SPDYA: variants seen among roughly 807,000 people sequenced by gnomAD.
SPDYA encodes speedy/RINGO cell cycle regulator family member A, also known as speedy protein A.
Under a neutral mutation model 36.7 loss-of-function variants are expected in SPDYA, and 11 were observed. The ratio of observed to expected loss-of-function variants is 0.30; its 90% CI spans 0.19 to 0.50. SPDYA has a LOEUF of 0.50. Among genes scored for constraint, SPDYA ranks in the 20% least tolerant of loss-of-function variants. SPDYA has a pLI of 0.98. For synonymous variants in SPDYA, 115 were observed against 118.7 expected, an observed-to-expected ratio of 0.97 and a Z score of 0.20; for missense variants, 287 against 370.9, an observed-to-expected ratio of 0.77 and a Z score of 1.86.
At chr2:28,834,549 T>C (rs1668547239) in intron 6 of SPDYA, among the ~76,000 whole-genome samples, 1 of 152,186 alleles carries the variant, frequency 6.6e-6, no homozygotes, top group African/African-American at 2.4e-5. Context: ...TTAAAAGGAA[T>C]GAAGTACCTG....
intron 1 of SPDYA, among the ~76,000 whole-genome samples, chr2:28,813,262 C>G (rs891319993): frequency 6.6e-6 from 1 of 152,152 alleles, no homozygotes; most frequent in Non-Finnish European, 1.5e-5. Flanking sequence ...AGTGTAAAGA[C>G]GCCTACTGTG....
At chr2:28,818,952 C>T (rs1668063491) in intron 3 of SPDYA, 96 bp from the exon 4 acceptor site, 1 of 961,544 alleles carries the variant, frequency 1.0e-6, no homozygotes, top group African/African-American at 1.6e-5. Context: ...TGTTTTATTT[C>T]TAAGCACCAT....
chr2:28,822,123 A>G (rs896840827), intron 4 of SPDYA, among the ~76,000 whole-genome samples: 3 of 152,180 alleles, frequency 2.0e-5, no homozygotes, highest in Non-Finnish European at 4.4e-5. Flanking sequence ...GTTTATAATG[A>G]TATAATAAAT....
chr2:28,836,470 T>C (rs777142719), intron 6 of SPDYA, among the ~76,000 whole-genome samples: 57 of 152,206 alleles, frequency 3.7e-4, no homozygotes, highest in Non-Finnish European at 6.2e-4. Context: ...CTTTGAATTA[T>C]ACACCACTGA....
intron 6 of SPDYA, among the ~76,000 whole-genome samples, chr2:28,839,121 T>C (rs1042452753): frequency 2.6e-5 from 4 of 152,226 alleles, no homozygotes; most frequent in African/African-American, 9.6e-5. Context: ...AGAATAATCC[T>C]GTGAAGTAGA....
At chr2:28,828,231 C>T (rs1053409955) in intron 5 of SPDYA, among the ~76,000 whole-genome samples, 3 of 152,134 alleles carry the variant, frequency 2.0e-5, no homozygotes, top group African/African-American at 7.2e-5. Context: ...AAGCAATCCG[C>T]CCACCTTGGC....
chr2:28,847,975 C>T (rs958540545), intron 7 of SPDYA, among the ~76,000 whole-genome samples: 6 of 152,090 alleles, frequency 3.9e-5, no homozygotes, highest in African/African-American at 1.4e-4. Context: ...GTAGGCTATA[C>T]CATATAACCT....
intron 2 of SPDYA, among the ~76,000 whole-genome samples, chr2:28,814,922 C>G (rs939330937): frequency 2.6e-5 from 4 of 152,080 alleles, no homozygotes; most frequent in Non-Finnish European, 5.9e-5. Flanking sequence ...TAGATTATGA[C>G]AACATACATT....
Position 28,816,257 on chromosome 2 carries a change from T to G in SPDYA, c.235+8T>G, listed in dbSNP as rs776776052. 2 of 1,561,104 alleles carry G rather than the reference T, an allele frequency of 1.3e-6. No homozygotes were observed. The highest frequency in any genetic ancestry group is 8.7e-7 in the Non-Finnish European group (1 of 1,146,668). On this transcript the variant is annotated splice_region_variant and intron_variant, in intron 3 of 7. Coordinates refer to ENST00000334056, the MANE Select transcript of SPDYA (RefSeq NM_182756.4). ...CTTTCTTTAAATTATTTGGTAGGTT[T>G]AAAATATTGTAATAGTGGTAATTAT...
At chr2:28,836,286 C>T (rs748230211) in intron 6 of SPDYA, among the ~76,000 whole-genome samples, 3 of 152,100 alleles carry the variant, frequency 2.0e-5, no homozygotes, top group Non-Finnish European at 4.4e-5. Flanking sequence ...ATCTAGCCTC[C>T]ATATAAACCT....
intron 7 of SPDYA, among the ~76,000 whole-genome samples, chr2:28,843,378 T>G (rs1221012548): frequency 6.6e-6 from 1 of 151,932 alleles, no homozygotes; most frequent in Non-Finnish European, 1.5e-5. Context: ...GGTAAAACCC[T>G]GTCTCTATTA....
chr2:28,845,818 T>C (rs1032791665), intron 7 of SPDYA, among the ~76,000 whole-genome samples: 1 of 152,154 alleles, frequency 6.6e-6, no homozygotes, highest in Non-Finnish European at 1.5e-5. Flanking sequence ...GTGCTGGGAT[T>C]ACAGGCGTGA....
intron 5 of SPDYA, among the ~76,000 whole-genome samples, chr2:28,827,705 G>T (rs189108825): frequency 3.3e-5 from 5 of 152,162 alleles, no homozygotes; most frequent in African/African-American, 9.6e-5. Context: ...CAATTTGATT[G>T]TGGTGTTCAC....
intron 3 of SPDYA, among the ~76,000 whole-genome samples, chr2:28,816,591 A>G (rs1667988087): frequency 6.6e-6 from 1 of 152,204 alleles, no homozygotes; most frequent in Admixed American, 6.5e-5. Context: ...AGGTGAGCTA[A>G]CTGACCCAGT....
At chr2:28,843,131 T>C (rs1185692512) in intron 7 of SPDYA, among the ~76,000 whole-genome samples, 1 of 152,234 alleles carries the variant, frequency 6.6e-6, no homozygotes, top group Non-Finnish European at 1.5e-5. Context: ...TTTTCCTACC[T>C]TAAAATTTTT....
At chr2:28,830,200 CTT>C (rs573724918) in intron 6 of SPDYA, among the ~76,000 whole-genome samples, 32,513 of 106,530 alleles carry the variant, frequency 0.31, 2,402 homozygotes, top group Middle Eastern at 0.39. Flanking sequence ...ATAGTAAGTA[CTT>C]TTTTTTTTTT....
In SPDYA at chr2:28,840,181, A is replaced by G. The variant is rs773429021; in HGVS notation, c.562A>G (p.Ile188Val). ...SRRCCEEVMA[I>V]APTHYIWQRE... ...TAGCTTTCTATTATAGGTTATGGCC[A>G]TTGCACCAACCCATTATATCTGGCA... is the stretch of plus-strand genomic sequence containing the variant. Residue 188 changes from isoleucine to valine, a missense_variant, in exon 7 of 8, where the codon ATT becomes GTT. By Grantham distance (29) the Ile-to-Val change is conservative. Transcript: ENST00000334056. 5.6e-6 allele frequency: 9 copies of G among 1,614,078 alleles called. No homozygotes were observed. The Admixed American group carries it at 1.0e-4, about 18-fold the overall frequency.
intron 1 of SPDYA, among the ~76,000 whole-genome samples, chr2:28,813,711 C>G (rs1667912224): frequency 1.3e-5 from 2 of 152,002 alleles, no homozygotes; most frequent in Non-Finnish European, 2.9e-5. Flanking sequence ...GCCACCATGC[C>G]CAGCTAATTT....
At chr2:28,821,572 A>T (rs938634463) in intron 4 of SPDYA, among the ~76,000 whole-genome samples, 2 of 152,154 alleles carry the variant, frequency 1.3e-5, no homozygotes, top group Non-Finnish European at 2.9e-5. Context: ...TTGGAAAAGT[A>T]ACTACCTGGA....
Sources: gnomAD v4.1 joint callset for allele counts (sites outside exome capture counted in the v4.1 genomes callset) on GRCh38, gnomAD v4.1.1 for gene constraint, MANE v1.5 for transcripts, NCBI Gene and HGNC (gene_info 2026-07-23, HGNC 2026-07-21) for gene names.